Variants in ANO3 observed in about 807,000 individuals in gnomAD.
ANO3 encodes the protein anoctamin 3.
A neutral mutation model predicts 144.8 loss-of-function variants in ANO3; 99 were observed. The observed-to-expected ratio is 0.68, with a 90% confidence interval of 0.58 to 0.81. The LOEUF (loss-of-function observed/expected upper bound fraction) is 0.81. Among genes scored for constraint, ANO3 ranks in the 30% least tolerant of loss-of-function variants. The pLI is 0.00. For missense variants in ANO3, 905 were observed against 1,202.2 expected, an observed-to-expected ratio of 0.75 and a Z score of 3.66; for synonymous variants, 414 against 392.6, an observed-to-expected ratio of 1.05 and a Z score of -0.64.
intron 1 of ANO3, among the ~76,000 whole-genome samples, chr11:26,356,504 A>G (rs1855788672): frequency 6.6e-6 from 1 of 152,134 alleles, no homozygotes; most frequent in Admixed American, 6.5e-5. Flanking sequence ...AATACAGTAT[A>G]TATTGTTTTT....
At chr11:26,446,022 G>A (rs1858690491) in intron 3 of ANO3, among the ~76,000 whole-genome samples, 1 of 151,948 alleles carries the variant, frequency 6.6e-6, no homozygotes, top group African/African-American at 2.4e-5. Flanking sequence ...AGTAGAGATG[G>A]GGTTTCACCA....
chr11:26,624,371 A>G, intron 17 of ANO3, 91 bp from the exon 18 acceptor site: 1 of 880,390 alleles, frequency 1.1e-6, no homozygotes. Flanking sequence ...ACTGTATAAC[A>G]TACATTATAG....
chr11:26,639,689 T>C (rs554946682), intron 21 of ANO3, among the ~76,000 whole-genome samples: 1 of 152,334 alleles, frequency 6.6e-6, no homozygotes, highest in Admixed American at 6.5e-5. Flanking sequence ...AGCTTTGTTC[T>C]CTTTGTTACA....
At chr11:26,278,473 A>G (rs1853606555) in intron 1 of ANO3, among the ~76,000 whole-genome samples, 1 of 152,056 alleles carries the variant, frequency 6.6e-6, no homozygotes. Context: ...GGGTTTTTTA[A>G]ATTTTTTATG....
In ANO3 at chr11:26,586,503, C is replaced by CTTTTTTTTT. The variant is rs550057766; in HGVS notation, c.1448-11852_1448-11844dup. Among the ~76,000 whole-genome samples the CTTTTTTTTT allele has an allele frequency of 4.2e-4, 34 of 81,446 alleles. 7 individuals are homozygous for CTTTTTTTTT. Among genetic ancestry groups the CTTTTTTTTT allele is most frequent in the South Asian group, 2.6e-3 (6 of 2,290 alleles). 53.4% of individuals were successfully genotyped at this position (81,446 alleles called of 152,430 possible). On this transcript the variant is annotated intron_variant, in intron 14 of 26. Coordinates refer to ENST00000256737, the MANE Select transcript of ANO3 (RefSeq NM_031418.4). ...AAGAAGGGGCTTCCCTGGTGAGAAT[C>CTTTTTTTTT]TTTTTTTTTTTTTTTTTTGAGACAT... is the stretch of plus-strand genomic sequence containing the variant.
chr11:26,227,528 A>C (rs1432743489), intron 1 of ANO3, among the ~76,000 whole-genome samples: 2 of 152,244 alleles, frequency 1.3e-5, no homozygotes, highest in Non-Finnish European at 2.9e-5. Flanking sequence ...ATCCATATTT[A>C]GAAAACAAAG....
chr11:26,297,439 G>A (rs910489721), intron 1 of ANO3, among the ~76,000 whole-genome samples: 1 of 152,058 alleles, frequency 6.6e-6, no homozygotes, highest in Non-Finnish European at 1.5e-5. Context: ...GTAATTATGC[G>A]GAACACAGGC....
In ANO3 at chr11:26,453,051, GCCTGCCC is replaced by G. The variant is rs1323224904; in HGVS notation, c.313+9216_313+9222del. ...TGCTGAGAGATTTTGTCACCACCAG[GCCTGCCC>G]TAAAAGAGCTCCTGAAGGAAGCACT... On this transcript the variant is annotated intron_variant, in intron 3 of 26. Coordinates refer to ENST00000256737, the MANE Select transcript of ANO3 (RefSeq NM_031418.4). Among the ~76,000 whole-genome samples, 91 of 151,818 alleles carry G rather than the reference GCCTGCCC, an allele frequency of 6.0e-4. No individual in the cohort carries two copies. In the East Asian group the frequency reaches 6.4e-3, roughly 11 times the overall value.
chr11:26,522,431 A>T (rs1264143472), intron 6 of ANO3, among the ~76,000 whole-genome samples: 1 of 152,200 alleles, frequency 6.6e-6, no homozygotes, highest in Non-Finnish European at 1.5e-5. Flanking sequence ...CTCTGGCTGG[A>T]AACAGTGGTT....
chr11:26,468,136 A>G (rs1859664728), intron 4 of ANO3, among the ~76,000 whole-genome samples: 1 of 152,008 alleles, frequency 6.6e-6, no homozygotes, highest in African/African-American at 2.4e-5. Context: ...GATGTGGTCA[A>G]TTTACAGGGA....
intron 1 of ANO3, among the ~76,000 whole-genome samples, chr11:26,214,988 T>C (rs1447511148): frequency 6.6e-6 from 1 of 152,000 alleles, no homozygotes; most frequent in Admixed American, 6.6e-5. Context: ...ACCAGGATTA[T>C]GTATTTTTGG....
chr11:26,453,016 G>C (rs1322191273), intron 3 of ANO3, among the ~76,000 whole-genome samples: 1 of 152,026 alleles, frequency 6.6e-6, no homozygotes, highest in Admixed American at 6.6e-5. Flanking sequence ...ATACTTTACA[G>C]ACAAGCAAAT....
rs565775058 is a variant in ANO3, at chr11:26,239,739, C to T, written c.154+50409C>T. On this transcript the variant is annotated intron_variant, in intron 1 of 27. Coordinates refer to the ANO3 transcript ENST00000672621. ...ACCCCAGTCTCAGCTGAGTAACGGG[C>T]ACGTAGTAAGTGTTCAATAAATATT... Among the ~76,000 whole-genome samples the T allele has an allele frequency of 2.0e-5, 3 of 152,250 alleles. No homozygotes were observed. In the South Asian group the frequency reaches 6.2e-4, roughly 32 times the overall value.
At chr11:26,609,054 G>C (rs1379619563) in intron 17 of ANO3, among the ~76,000 whole-genome samples, 1 of 152,176 alleles carries the variant, frequency 6.6e-6, no homozygotes, top group African/African-American at 2.4e-5. Flanking sequence ...TGGGACCCTA[G>C]TCCCCAGTGG....
intron 17 of ANO3, among the ~76,000 whole-genome samples, chr11:26,604,911 T>C (rs76385266): frequency 0.15 from 23,525 of 152,168 alleles, 2,103 homozygotes; most frequent in East Asian, 0.33. Context: ...CTTTGTTTCA[T>C]TGTTTTGCCT....
At chr11:26,619,617 TCAC>T (rs941621972) in intron 17 of ANO3, among the ~76,000 whole-genome samples, 1 of 151,998 alleles carries the variant, frequency 6.6e-6, no homozygotes, top group African/African-American at 2.4e-5. Context: ...TGGGGGCACA[TCAC>T]CACACCTGGC....
chr11:26,543,926 T>C (rs1214800013), intron 11 of ANO3, among the ~76,000 whole-genome samples: 6 of 151,698 alleles, frequency 4.0e-5, no homozygotes, highest in Admixed American at 2.6e-4. Context: ...CATACGCTTT[T>C]AATTTCAAAC....
At chr11:26,516,226 T>C (rs1253522728) in intron 5 of ANO3, among the ~76,000 whole-genome samples, 2 of 151,740 alleles carry the variant, frequency 1.3e-5, no homozygotes, top group African/African-American at 4.8e-5. Flanking sequence ...ACCTTTTGTC[T>C]AGTCAAAGAC....
intron 1 of ANO3, among the ~76,000 whole-genome samples, chr11:26,253,400 T>C (rs1321789251): frequency 6.6e-6 from 1 of 151,954 alleles, no homozygotes; most frequent in Non-Finnish European, 1.5e-5. Context: ...TGGGGCCTTT[T>C]GGAGGGTGGA....
Sources: gnomAD v4.1 joint callset for allele counts (sites outside exome capture counted in the v4.1 genomes callset) on GRCh38, gnomAD v4.1.1 for gene constraint, MANE v1.5 for transcripts, NCBI Gene and HGNC (gene_info 2026-07-23, HGNC 2026-07-21) for gene names.